KCNH8: variants seen among roughly 807,000 people sequenced by gnomAD.
KCNH8 encodes potassium voltage-gated channel subfamily H member 8, also known as voltage-gated delayed rectifier potassium channel KCNH8.
A neutral mutation model predicts 103.6 loss-of-function variants in KCNH8; 70 were observed. That is an observed-to-expected ratio of 0.68 (90% CI 0.56 to 0.82). The LOEUF is 0.82. Ranked by LOEUF, KCNH8 falls within the 40% of genes least tolerant of loss-of-function variation. The pLI is 0.00. For missense variants in KCNH8, 1,217 were observed against 1,329.9 expected (o/e 0.92, Z 1.32); for synonymous variants, 498 against 489.4 (o/e 1.02, Z -0.23).
Position 19,379,510 on chromosome 3 carries a change from T to G in KCNH8, c.812-10971T>G, listed in dbSNP as rs541487346. Among the ~76,000 whole-genome samples the G allele has an allele frequency of 3.9e-5, 6 of 152,044 alleles. 1 individual carries two copies. Among genetic ancestry groups the G allele is most frequent in the Admixed American group, 6.6e-5 (1 of 15,266 alleles). ...AAAAAATTACTCAGGCGTGGTGGCA[T>G]GCACCTATAGTCCCAGCTGCTTGGG... On this transcript the variant is annotated intron_variant, in intron 5 of 15. Transcript: ENST00000328405.
intron 8 of KCNH8, among the ~76,000 whole-genome samples, chr3:19,438,773 C>T (rs2067237201): frequency 6.6e-6 from 1 of 152,140 alleles, no homozygotes; most frequent in South Asian, 2.1e-4. Flanking sequence ...TTCCTAGATC[C>T]TCCAACTTAC....
intron 11 of KCNH8, 38 bp downstream of exon 11, chr3:19,457,020 C>G: frequency 7.2e-7 from 1 of 1,388,760 alleles, no homozygotes; most frequent in Non-Finnish European, 1.0e-6. Context: ...GACCTAATAA[C>G]ATTGGGCCTG....
intron 5 of KCNH8, among the ~76,000 whole-genome samples, chr3:19,362,953 C>T (rs758026196): frequency 6.6e-6 from 1 of 152,048 alleles, no homozygotes; most frequent in Non-Finnish European, 1.5e-5. Flanking sequence ...TGCCCAGCCT[C>T]CTTGGTTTGT....
intron 1 of KCNH8, among the ~76,000 whole-genome samples, chr3:19,170,613 T>TATATATATATATATAC (rs537607586): frequency 7.0e-6 from 1 of 143,210 alleles, no homozygotes; most frequent in African/African-American, 2.7e-5. Context: ...TATATATGTA[T>TATATATATATATATAC]ACACACACAT....
chr3:19,288,546 C>A (rs1481559415), intron 3 of KCNH8, among the ~76,000 whole-genome samples: 1 of 152,080 alleles, frequency 6.6e-6, no homozygotes, highest in Non-Finnish European at 1.5e-5. Flanking sequence ...CATGTCCCTA[C>A]AAAGGACATG....
chr3:19,513,093 T>G lies in KCNH8; in HGVS notation c.2203T>G (p.Ser735Ala). The G allele has an allele frequency of 6.2e-7, 1 of 1,604,902 alleles. No individual in the cohort carries two copies. Among genetic ancestry groups the G allele is most frequent in the African/African-American group, 1.3e-5 (1 of 74,868 alleles). Residue 735 changes from serine (S) to alanine (A), a missense_variant, in exon 13 of 16, where the codon TCT becomes GCT. By Grantham distance (99) the Ser-to-Ala change is moderately conservative. This residue lies in a region of KCNH8 where 558 missense variants were observed against 495.8 expected (regional missense o/e 1.13). Transcript: ENST00000328405. ...CCTCTCTCCCATCTGCACAAGGGGATCTTCTTCGCGCAACAAGAAGGTTGG... is the reference window on the plus strand; with the variant it reads ...CCTCTCTCCCATCTGCACAAGGGGAGCTTCTTCGCGCAACAAGAAGGTTGG... ...VSLSPICTRG[S>A]SSRNKKVGSN...
intron 1 of KCNH8, 32 bp downstream of exon 1, chr3:19,148,827 A>G: frequency 1.3e-6 from 2 of 1,576,570 alleles, no homozygotes; most frequent in Non-Finnish European, 1.7e-6. Flanking sequence ...GTGGTATGGC[A>G]TTTTCTGAGA....
At chr3:19,317,041 G>T (rs73818294) in intron 3 of KCNH8, among the ~76,000 whole-genome samples, 16,180 of 151,646 alleles carry the variant, frequency 0.11, 998 homozygotes, top group East Asian at 0.18. Flanking sequence ...TTGGTGGCTT[G>T]ATTTATTCAT....
chr3:19,343,478 C>T (rs2065688508), intron 4 of KCNH8, among the ~76,000 whole-genome samples: 1 of 152,008 alleles, frequency 6.6e-6, no homozygotes, highest in Admixed American at 6.6e-5. Flanking sequence ...TGTAGATACT[C>T]AAAGTTTTAA....
intron 1 of KCNH8, among the ~76,000 whole-genome samples, chr3:19,165,435 A>C (rs2063273802): frequency 6.6e-6 from 1 of 152,218 alleles, no homozygotes; most frequent in African/African-American, 2.4e-5. Context: ...TAATAATACA[A>C]ACCTATTATT....
At chr3:19,294,131 A>T (rs1336334304) in intron 3 of KCNH8, among the ~76,000 whole-genome samples, 6 of 152,124 alleles carry the variant, frequency 3.9e-5, no homozygotes, top group Admixed American at 3.9e-4. Flanking sequence ...TTTGAATAGA[A>T]TCTCTGTTGC....
At chr3:19,449,760 TTAAAA>T (rs1353399843) in intron 8 of KCNH8, among the ~76,000 whole-genome samples, 4 of 152,108 alleles carry the variant, frequency 2.6e-5, no homozygotes, top group Non-Finnish European at 5.9e-5. Context: ...TACATAACTA[TTAAAA>T]TAATATAGAT....
At chr3:19,431,880 A>C (rs138314621) in intron 7 of KCNH8, among the ~76,000 whole-genome samples, 1,637 of 151,614 alleles carry the variant, frequency 0.011, 29 homozygotes, top group African/African-American at 0.037. Flanking sequence ...GTTTATTTGA[A>C]TCTTCTCTCT....
At chr3:19,431,381 T>G (rs2067119364) in intron 7 of KCNH8, among the ~76,000 whole-genome samples, 1 of 152,216 alleles carries the variant, frequency 6.6e-6, no homozygotes, top group Non-Finnish European at 1.5e-5. Flanking sequence ...CTGGATGCAG[T>G]CTGCTAGTAT....
intron 1 of KCNH8, among the ~76,000 whole-genome samples, chr3:19,158,892 T>C (rs1289430155): frequency 6.6e-6 from 1 of 151,962 alleles, no homozygotes; most frequent in African/African-American, 2.4e-5. Context: ...TTGCAACTCT[T>C]ACTTTTTCCC....
intron 11 of KCNH8, among the ~76,000 whole-genome samples, chr3:19,509,613 T>C (rs2068749934): frequency 6.6e-6 from 1 of 152,324 alleles, no homozygotes; most frequent in Admixed American, 6.5e-5. Context: ...CCTAAGTGAA[T>C]AAGATATATA....
intron 1 of KCNH8, among the ~76,000 whole-genome samples, chr3:19,203,731 C>T (rs996089649): frequency 6.6e-6 from 1 of 151,822 alleles, no homozygotes; most frequent in Non-Finnish European, 1.5e-5. Flanking sequence ...AAAAATGCTT[C>T]CTCTGTTTAT....
chr3:19,360,006 T>TA (rs1462940465), intron 5 of KCNH8, among the ~76,000 whole-genome samples: 1 of 151,744 alleles, frequency 6.6e-6, no homozygotes, highest in African/African-American at 2.4e-5. Context: ...AAAATTAGAG[T>TA]AAAAAACATA....
intron 15 of KCNH8, among the ~76,000 whole-genome samples, chr3:19,531,260 T>G (rs2069156484): frequency 6.6e-6 from 1 of 152,198 alleles, no homozygotes; most frequent in African/African-American, 2.4e-5. Context: ...TCTTCTGAAA[T>G]TATGACACAA....
Sources: gnomAD v4.1 joint callset for allele counts (sites outside exome capture counted in the v4.1 genomes callset) on GRCh38, gnomAD v4.1.1 for gene constraint, gnomAD v4.1.1 regional missense constraint, MANE v1.5 for transcripts, NCBI Gene and HGNC (gene_info 2026-07-23, HGNC 2026-07-21) for gene names.